DLGAP1: variants seen among roughly 807,000 people sequenced by gnomAD.
DLGAP1 encodes the protein disks large-associated protein 1.
DLGAP1 carries 11 observed loss-of-function variants against 90.8 expected under a neutral mutation model. That is an observed-to-expected ratio of 0.12 (90% CI 0.08 to 0.20). The LOEUF is 0.20. DLGAP1 is among the 10% of genes least tolerant of loss of function. The pLI is 1.00. For synonymous variants in DLGAP1, 558 were observed against 540.7 expected (o/e 1.03, Z -0.44); for missense variants, 1,050 against 1,333.8 (o/e 0.79, Z 3.31).
intron 7 of DLGAP1, among the ~76,000 whole-genome samples, chr18:3,706,509 T>C (rs1211439168): frequency 6.6e-6 from 1 of 151,862 alleles, no homozygotes. Context: ...CGGGCAAAAA[T>C]AAAAGGCCAA....
At chr18:4,449,409 A>G (rs2083759819) in intron 1 of DLGAP1, among the ~76,000 whole-genome samples, 2 of 152,184 alleles carry the variant, frequency 1.3e-5, no homozygotes, top group African/African-American at 4.8e-5. Context: ...CTCAGTGTTT[A>G]CCAGGTATTA....
At chr18:4,092,547 C>A (rs946632645) in intron 2 of DLGAP1, among the ~76,000 whole-genome samples, 25 of 136,276 alleles carry the variant, frequency 1.8e-4, no homozygotes, top group African/African-American at 6.8e-4. Context: ...TCTTTTGTAC[C>A]CCTCACCCAG....
At chr18:3,568,524 T>A (rs2145143770) in intron 8 of DLGAP1, among the ~76,000 whole-genome samples, 1 of 152,162 alleles carries the variant, frequency 6.6e-6, no homozygotes, top group Admixed American at 6.5e-5. Flanking sequence ...GTTTAAGAAA[T>A]GTTGTCTCTA....
chr18:3,920,354 A>G (rs895833091), intron 3 of DLGAP1, among the ~76,000 whole-genome samples: 1 of 122,168 alleles, frequency 8.2e-6, no homozygotes. Flanking sequence ...ACTCTGTCCA[A>G]AAAAAAAAAA....
chr18:3,739,253 T>C (rs1437475676), intron 6 of DLGAP1, among the ~76,000 whole-genome samples: 2 of 150,862 alleles, frequency 1.3e-5, no homozygotes, highest in Non-Finnish European at 2.9e-5. Context: ...AAATACCATT[T>C]GACCCAGCCA....
chr18:3,561,096 A>C (rs2054064284), intron 9 of DLGAP1, among the ~76,000 whole-genome samples: 1 of 150,620 alleles, frequency 6.6e-6, no homozygotes, highest in Admixed American at 6.6e-5. Context: ...TATTTTGAAC[A>C]AACTTATCTG....
At chr18:3,981,741 G>T (rs1389517382) in intron 3 of DLGAP1, among the ~76,000 whole-genome samples, 1 of 152,124 alleles carries the variant, frequency 6.6e-6, no homozygotes, top group Non-Finnish European at 1.5e-5. Flanking sequence ...CTATTTTCAG[G>T]GTGTCCCAGG....
At chr18:4,228,777 G>C (rs1345267563) in intron 1 of DLGAP1, among the ~76,000 whole-genome samples, 1 of 151,880 alleles carries the variant, frequency 6.6e-6, no homozygotes. Context: ...CTAAGATCTG[G>C]TAAGCAACAA....
chr18:4,232,327 C>CT (rs1358397513), intron 1 of DLGAP1, among the ~76,000 whole-genome samples: 4 of 151,928 alleles, frequency 2.6e-5, no homozygotes, highest in African/African-American at 9.7e-5. Flanking sequence ...TTAAATGTGG[C>CT]TAAAGGTATT....
chr18:3,600,214 G>A (rs546913156), intron 7 of DLGAP1, among the ~76,000 whole-genome samples: 17 of 152,254 alleles, frequency 1.1e-4, no homozygotes, highest in Admixed American at 9.8e-4. Context: ...CACCATGCAT[G>A]TGATTCACAC....
intron 1 of DLGAP1, among the ~76,000 whole-genome samples, chr18:4,394,588 T>C (rs1261067216): frequency 6.6e-6 from 1 of 152,212 alleles, no homozygotes. Context: ...ATTTTTGGAA[T>C]AATTAGCCTA....
chr18:3,830,392 C>G (rs901098351), intron 4 of DLGAP1, among the ~76,000 whole-genome samples: 1 of 152,100 alleles, frequency 6.6e-6, no homozygotes, highest in African/African-American at 2.4e-5. Flanking sequence ...GGTGAAACCC[C>G]ATCTCTATTA....
intron 12 of DLGAP1, among the ~76,000 whole-genome samples, chr18:3,500,540 C>T (rs1009334862): frequency 1.3e-5 from 2 of 152,140 alleles, no homozygotes; most frequent in Non-Finnish European, 2.9e-5. Context: ...TTCAACTTCT[C>T]ACCCTGGAGC....
At chr18:4,094,607 C>CTTTTTTTTTTTT (rs35060422) in intron 2 of DLGAP1, among the ~76,000 whole-genome samples, 10 of 124,826 alleles carry the variant, frequency 8.0e-5, no homozygotes, top group Non-Finnish European at 1.2e-4. Context: ...CTTTCTCTTT[C>CTTTTTTTTTTTT]TTTTTTTTTT....
intron 7 of DLGAP1, among the ~76,000 whole-genome samples, chr18:3,686,596 C>G (rs952558987): frequency 6.6e-6 from 1 of 151,288 alleles, no homozygotes; most frequent in Non-Finnish European, 1.5e-5. Context: ...TGCATTTTCA[C>G]TATTGAACAA....
chr18:3,652,551 G>A (rs903311888), intron 7 of DLGAP1, among the ~76,000 whole-genome samples: 4 of 152,100 alleles, frequency 2.6e-5, no homozygotes, highest in African/African-American at 9.7e-5. Context: ...GCTCACGGCC[G>A]TCTTGAACTT....
intron 2 of DLGAP1, among the ~76,000 whole-genome samples, chr18:4,025,622 T>C (rs1270942267): frequency 6.6e-6 from 1 of 152,148 alleles, no homozygotes; most frequent in African/African-American, 2.4e-5. Flanking sequence ...GACAATAACA[T>C]TGTCATTTTT....
rs1238565402 is a variant in DLGAP1, at chr18:3,942,924, G to A, written c.-73+62192C>T. ...ATTTTGGAGCTGGGACACCAGGTGG[G>A]GTGGATTCAGCCTGAGGATGATAAT... On this transcript the variant is annotated intron_variant, in intron 3 of 12. Transcript: ENST00000315677. Among the ~76,000 whole-genome samples the A allele has an allele frequency of 3.3e-5, 5 of 152,004 alleles. No homozygotes were observed. The East Asian group carries it at 9.6e-4, about 29-fold the overall frequency.
chr18:3,825,142 G>A (rs1161702479), intron 4 of DLGAP1, among the ~76,000 whole-genome samples: 1 of 152,166 alleles, frequency 6.6e-6, no homozygotes, highest in Non-Finnish European at 1.5e-5. Flanking sequence ...GTGCTTCCAG[G>A]CTAGCTCAAG....
Sources: gnomAD v4.1 joint callset for allele counts (sites outside exome capture counted in the v4.1 genomes callset) on GRCh38, gnomAD v4.1.1 for gene constraint, MANE v1.5 for transcripts, NCBI Gene and HGNC (gene_info 2026-07-23, HGNC 2026-07-21) for gene names.